The following MIER1 variants were observed in gnomAD, a reference collection of about 807,000 sequenced individuals.
MIER1 encodes MIER1 transcriptional regulator, also known as mesoderm induction early response protein 1.
In MIER1, 40 loss-of-function variants were observed where a neutral mutation model predicts 75.7. That is an observed-to-expected ratio of 0.53 (90% confidence interval 0.41 to 0.69). The LOEUF (loss-of-function observed/expected upper bound fraction) is 0.69, where lower values mean the gene tolerates loss of function less well. MIER1 is among the 30% of genes least tolerant of loss of function. The probability of loss-of-function intolerance (pLI) is 0.00; values close to 1 mark genes in which losing one functional copy is unlikely to be tolerated. For missense variants in MIER1, 574 were observed against 680.2 expected (o/e 0.84, Z 1.74); for synonymous variants, 213 against 223.4 (o/e 0.95, Z 0.42).
In MIER1 at chr1:66,986,434, T is replaced by C. The variant is rs2102165529; in HGVS notation, c.*1534T>C. On this transcript the variant is annotated 3_prime_UTR_variant, in exon 14 of 14. Coordinates refer to ENST00000401041, the MANE Select transcript of MIER1 (RefSeq NM_001077700.3). ...TCCAAATGCTTCTTCCAGTTCATTTTTCAGCCATCAGTTCAAGAGCCAATG... is the reference window on the plus strand; with the variant it reads ...TCCAAATGCTTCTTCCAGTTCATTTCTCAGCCATCAGTTCAAGAGCCAATG... 3 of 1,613,200 alleles carry C rather than the reference T, an allele frequency of 1.9e-6. No individual in the cohort carries two copies. The highest frequency in any genetic ancestry group is 4.5e-5 in the East Asian group (2 of 44,824).
intron 11 of MIER1, among the ~76,000 whole-genome samples, chr1:66,975,532 A>G (rs1458947650): frequency 7.0e-6 from 1 of 142,228 alleles, no homozygotes; most frequent in African/African-American, 2.5e-5. Flanking sequence ...TCTCAAAAAA[A>G]AAAGAAAAAG....
intron 3 of MIER1, among the ~76,000 whole-genome samples, chr1:66,942,398 G>A (rs1395054901): frequency 6.6e-6 from 1 of 152,114 alleles, no homozygotes; most frequent in Admixed American, 6.5e-5. Context: ...AATTAATGGA[G>A]GTGAAGATAA....
chr1:66,945,956 A>G (rs1395630684), intron 3 of MIER1, among the ~76,000 whole-genome samples, 194 bp from the exon 4 acceptor site: 1 of 152,238 alleles, frequency 6.6e-6, no homozygotes, highest in African/African-American at 2.4e-5. Flanking sequence ...CATTATAAAC[A>G]CTTTTAAAGC....
chr1:66,964,796 A>G (rs921449734), intron 8 of MIER1, among the ~76,000 whole-genome samples: 3 of 152,172 alleles, frequency 2.0e-5, no homozygotes, highest in African/African-American at 7.2e-5. Context: ...GACATCACTC[A>G]GGACTAGAAA....
intron 2 of MIER1, among the ~76,000 whole-genome samples, chr1:66,935,968 A>G (rs540390899): frequency 4.6e-5 from 7 of 152,258 alleles, no homozygotes; most frequent in Admixed American, 1.3e-4. Flanking sequence ...CCTTTTTGTT[A>G]TGAACAACTT....
chr1:66,981,593 A>C (rs956568682), intron 12 of MIER1, among the ~76,000 whole-genome samples, 186 bp from the exon 13 acceptor site: 1 of 152,180 alleles, frequency 6.6e-6, no homozygotes, highest in Non-Finnish European at 1.5e-5. Flanking sequence ...CATTTTTCCT[A>C]TAAACATGTA....
intron 2 of MIER1, among the ~76,000 whole-genome samples, chr1:66,936,586 G>A (rs1486262055): frequency 6.6e-6 from 1 of 152,034 alleles, no homozygotes; most frequent in Non-Finnish European, 1.5e-5. Context: ...AATGGTAGAT[G>A]TTGTGGGTTC....
intron 10 of MIER1, 90 bp downstream of exon 10, chr1:66,971,826 A>G (rs533155396): frequency 6.5e-6 from 4 of 616,990 alleles, no homozygotes; most frequent in Non-Finnish European, 1.1e-5. Flanking sequence ...AAACTTAATA[A>G]TACTGATTTT....
Position 66,985,848 on chromosome 1 carries a change from T to A in MIER1, c.*948T>A. The A allele has an allele frequency of 1.2e-6, 1 of 809,564 alleles. No individual in the cohort carries two copies. The highest frequency in any genetic ancestry group is 1.5e-6 in the Non-Finnish European group (1 of 672,144). 50.1% of individuals were successfully genotyped at this position (809,564 alleles called of 1,614,324 possible). The stretch of plus-strand genomic sequence containing the variant: ...TTTTTTTTTTTTTTTAAATTTCTAC[T>A]TAAGGGCAAGTAATTTGAGAATTCT... On this transcript the variant is annotated 3_prime_UTR_variant, in exon 14 of 14. Transcript: ENST00000401041.
In MIER1 at chr1:66,985,007, T is replaced by C; in HGVS notation, c.*107T>C. ...TGATTTCCTTGAAGCAGTTTGAAAA[T>C]TTGAATTGAGTCTTAACTTTAGGAA... is the stretch of plus-strand genomic sequence containing the variant. On this transcript the variant is annotated 3_prime_UTR_variant, in exon 14 of 14. Coordinates refer to ENST00000401041, the MANE Select transcript of MIER1 (RefSeq NM_001077700.3). The C allele has an allele frequency of 7.0e-7, 1 of 1,426,474 alleles. No homozygotes were observed. Among genetic ancestry groups the C allele is most frequent in the Non-Finnish European group, 9.2e-7 (1 of 1,090,854 alleles). The allele number at this position is 1,426,474 out of a possible 1,614,324, so 88.4% of individuals were successfully genotyped here. A position where few individuals can be genotyped will look rare whatever the true frequency, so the allele number is the denominator to read the frequency against.
chr1:66,937,014 A>G (rs1558026926), intron 2 of MIER1, among the ~76,000 whole-genome samples: 2 of 151,324 alleles, frequency 1.3e-5, no homozygotes, highest in African/African-American at 4.8e-5. Flanking sequence ...AAAAAAAAAA[A>G]AAAAAAGAGA....
At chr1:66,957,877 A>G (rs1159165374) in intron 4 of MIER1, among the ~76,000 whole-genome samples, 182 bp from the exon 5 acceptor site, 3 of 152,194 alleles carry the variant, frequency 2.0e-5, no homozygotes, top group Non-Finnish European at 4.4e-5. Context: ...AGAAATACTT[A>G]AAAGATTGGG....
At chr1:66,938,682 T>C (rs1337562792) in intron 2 of MIER1, among the ~76,000 whole-genome samples, 1 of 152,162 alleles carries the variant, frequency 6.6e-6, no homozygotes, top group African/African-American at 2.4e-5. Context: ...AGGAATGAGA[T>C]TTAAAAGTAG....
intron 2 of MIER1, chr1:66,930,272 T>C: frequency 2.0e-6 from 3 of 1,528,052 alleles, no homozygotes; most frequent in Non-Finnish European, 2.6e-6. Context: ...GCCGAGGCAG[T>C]GGCGGCGGGA....
rs976974977 is a variant in MIER1 at position 66,984,785 on chromosome 1, C to G, written c.1583C>G (p.Pro528Arg). The G allele has an allele frequency of 6.2e-7, 1 of 1,613,870 alleles. No homozygotes were observed. The highest frequency in any genetic ancestry group is 1.3e-5 in the African/African-American group (1 of 74,908). Residue 528 changes from proline to arginine, a missense_variant, in exon 14 of 14, where the codon CCT (proline) becomes CGT (arginine). Pro to Arg is a moderately radical substitution (Grantham distance 103). Transcript: ENST00000401041. ...ENDFDEKSER[P>R]AKRRRVNSNG... The stretch of plus-strand genomic sequence containing the variant: ...GATTTTGATGAAAAAAGTGAGAGAC[C>G]TGCCAAAAGGCGAAGGGTAAACAGC...
chr1:66,935,820 A>G (rs1654666177), intron 2 of MIER1, among the ~76,000 whole-genome samples: 1 of 152,016 alleles, frequency 6.6e-6, no homozygotes. Context: ...TTTTTTTGGC[A>G]TTTATTTCTC....
chr1:66,968,715 T>G (rs1662931468), intron 8 of MIER1, among the ~76,000 whole-genome samples: 1 of 152,240 alleles, frequency 6.6e-6, no homozygotes, highest in Admixed American at 6.5e-5. Context: ...CCTTTGGACT[T>G]GTATCTGTTT....
At chr1:66,946,428 ATAGG>A in intron 4 of MIER1, 133 bp downstream of exon 4, 1 of 1,381,554 alleles carries the variant, frequency 7.2e-7, no homozygotes, top group Non-Finnish European at 9.4e-7. Flanking sequence ...TTGTGTGATC[ATAGG>A]TGGGATATTT....
intron 7 of MIER1, 197 bp downstream of exon 7, chr1:66,959,940 C>T (rs1232114617): frequency 5.5e-5 from 16 of 293,160 alleles, no homozygotes; most frequent in African/African-American, 8.7e-5. Flanking sequence ...ACATTTCTGG[C>T]GGGGTGTGGT....
Sources: allele counts gnomAD v4.1 joint callset (sites outside exome capture counted in the v4.1 genomes callset), GRCh38; gene constraint gnomAD v4.1.1; transcripts MANE v1.5; gene names NCBI Gene and HGNC (gene_info 2026-07-23, HGNC 2026-07-21).